Variants in PTPRM observed in about 807,000 individuals in gnomAD.
PTPRM encodes the protein protein tyrosine phosphatase receptor type M.
A neutral mutation model predicts 186.7 loss-of-function variants in PTPRM; 47 were observed. The ratio of observed to expected loss-of-function variants is 0.25; its 90% confidence interval spans 0.20 to 0.32. The LOEUF (loss-of-function observed/expected upper bound fraction) is 0.32. PTPRM is among the 10% of genes least tolerant of loss of function. The pLI, the probability that PTPRM is intolerant of heterozygous loss-of-function variation, is 1.00. For missense variants in PTPRM, 1,494 were observed against 1,865.0 expected, an observed-to-expected ratio of 0.80 and a Z score of 3.66; for synonymous variants, 668 against 674.9, an observed-to-expected ratio of 0.99 and a Z score of 0.16.
At chr18:7,920,421 A>T (rs1459194433) in intron 4 of PTPRM, among the ~76,000 whole-genome samples, 1 of 152,186 alleles carries the variant, frequency 6.6e-6, no homozygotes, top group African/African-American at 2.4e-5. Context: ...TATCTTAAAG[A>T]GATGACAACT....
chr18:8,219,359 C>T lies in PTPRM; in HGVS notation c.2301-24699C>T, dbSNP rs142261364. On this transcript the variant is annotated intron_variant, in intron 14 of 32. Coordinates refer to ENST00000580170, the MANE Select transcript of PTPRM (RefSeq NM_001105244.2). ...GAGGACGCCTGTAGTCCCAGCTACT[C>T]GGGAGGCTGAGGCAGGAGAATGGCG... Among the ~76,000 whole-genome samples, 842 of 151,744 alleles carry T rather than the reference C, an allele frequency of 5.5e-3. 8 individuals are homozygous for T. The highest frequency in any genetic ancestry group is 0.019 in the African/African-American group (791 of 41,332).
At chr18:7,992,233 G>A (rs1280745071) in intron 7 of PTPRM, among the ~76,000 whole-genome samples, 1 of 151,986 alleles carries the variant, frequency 6.6e-6, no homozygotes, top group South Asian at 2.1e-4. Flanking sequence ...AAGATATTTT[G>A]ACTACAAAAG....
intron 1 of PTPRM, among the ~76,000 whole-genome samples, chr18:7,619,053 T>G (rs1468118891): frequency 6.6e-6 from 1 of 152,234 alleles, no homozygotes; most frequent in Non-Finnish European, 1.5e-5. Context: ...TCTTTACTGC[T>G]AATGGAACTG....
chr18:7,831,871 A>G (rs2045779243), intron 2 of PTPRM, among the ~76,000 whole-genome samples: 1 of 152,172 alleles, frequency 6.6e-6, no homozygotes, highest in Admixed American at 6.5e-5. Flanking sequence ...AAGTGAGAAC[A>G]TGTAAGGTTT....
chr18:7,829,955 T>C (rs1194598264), intron 2 of PTPRM, among the ~76,000 whole-genome samples: 13 of 152,204 alleles, frequency 8.5e-5, no homozygotes, highest in Admixed American at 8.5e-4. Context: ...GTAATTACAT[T>C]ATTTAACAAA....
chr18:7,890,973 ATACT>A (rs2049043430), intron 3 of PTPRM, among the ~76,000 whole-genome samples: 1 of 152,154 alleles, frequency 6.6e-6, no homozygotes, highest in African/African-American at 2.4e-5. Flanking sequence ...CCTGAAATAA[ATACT>A]TAAGAAAGTG....
intron 7 of PTPRM, among the ~76,000 whole-genome samples, chr18:7,977,244 C>T (rs193189478): frequency 6.6e-6 from 1 of 152,092 alleles, no homozygotes; most frequent in African/African-American, 2.4e-5. Context: ...CACCTGCCAC[C>T]ACGCCCAGCT....
Position 7,728,230 on chromosome 18 carries a change from A to G in PTPRM, c.74-45919A>G, listed in dbSNP as rs141832379. ...TTTTGTATAATGATTTAAAATCCAA[A>G]ATAGCAGTGATGCAGGATTTTGACT... On this transcript the variant is annotated intron_variant, in intron 1 of 32. Transcript: ENST00000580170. Among the ~76,000 whole-genome samples, 32 of 152,338 alleles carry G rather than the reference A, an allele frequency of 2.1e-4. No homozygotes were observed. The East Asian group carries it at 6.2e-3, about 29-fold the overall frequency.
intron 2 of PTPRM, among the ~76,000 whole-genome samples, chr18:7,860,425 A>G (rs867165854): frequency 1.3e-5 from 2 of 152,090 alleles, no homozygotes; most frequent in African/African-American, 4.8e-5. Context: ...ATGGATTCAG[A>G]TAAACAGATG....
chr18:7,948,872 A>C (rs1273737098), intron 5 of PTPRM, among the ~76,000 whole-genome samples: 1 of 152,210 alleles, frequency 6.6e-6, no homozygotes, highest in Admixed American at 6.5e-5. Flanking sequence ...GGATAGTTTG[A>C]AAACAAGGTA....
rs548635004 is a variant in PTPRM, at chr18:8,182,394, C to T, written c.2300+38615C>T. 1.2e-4 allele frequency among the ~76,000 whole-genome samples: 18 copies of T among 152,276 alleles called. No individual in the cohort carries two copies. The South Asian group carries it at 3.5e-3, about 30-fold the overall frequency. On this transcript the variant is annotated intron_variant, in intron 14 of 32. Coordinates refer to ENST00000580170, the MANE Select transcript of PTPRM (RefSeq NM_001105244.2). Reference sequence around the variant, plus strand: ...CCCTCCTCAAGACTCTCGTATATCTCATGTATTTTGAAATAATGGAGACAT... The same window carrying T: ...CCCTCCTCAAGACTCTCGTATATCTTATGTATTTTGAAATAATGGAGACAT...
intron 14 of PTPRM, among the ~76,000 whole-genome samples, chr18:8,194,903 C>A (rs77295724): frequency 0.043 from 6,590 of 152,144 alleles, 466 homozygotes; most frequent in African/African-American, 0.15. Context: ...CTCTTTTATT[C>A]TTGTAAGGAT....
At chr18:7,672,296 TAA>T (rs2039234662) in intron 1 of PTPRM, among the ~76,000 whole-genome samples, 1 of 152,214 alleles carries the variant, frequency 6.6e-6, no homozygotes, top group South Asian at 2.1e-4. Flanking sequence ...AATTTCAGGT[TAA>T]GTTTTTTTTT....
At position 8,172,215 on chromosome 18, in the gene PTPRM, G is replaced by A. The variant is rs564683840; in HGVS notation, c.2300+28436G>A. Among the ~76,000 whole-genome samples the A allele has an allele frequency of 2.0e-5, 3 of 151,840 alleles. No homozygotes were observed. In the South Asian group the frequency reaches 6.2e-4, roughly 32 times the overall value. On this transcript the variant is annotated intron_variant, in intron 14 of 32. Coordinates refer to ENST00000580170, the MANE Select transcript of PTPRM (RefSeq NM_001105244.2). ...ATTATGGCGGAAGGTGAGAAAGGTG[G>A]CAAAGATACAGATAAAGCACTGTTC...
chr18:8,384,540 G>A, intron 29 of PTPRM, 21 bp from the exon 30 acceptor site: 1 of 1,613,746 alleles, frequency 6.2e-7, no homozygotes, highest in Non-Finnish European at 8.5e-7. Context: ...CTAACCTTGT[G>A]TTTATATGTT....
intron 22 of PTPRM, among the ~76,000 whole-genome samples, chr18:8,324,470 C>A (rs1231002046): frequency 1.3e-5 from 2 of 152,194 alleles, no homozygotes; most frequent in African/African-American, 4.8e-5. Flanking sequence ...TAGCAGGTCC[C>A]ATAGCTGATG....
intron 1 of PTPRM, among the ~76,000 whole-genome samples, chr18:7,773,194 C>A (rs1211579686): frequency 6.6e-6 from 1 of 151,858 alleles, no homozygotes; most frequent in East Asian, 1.9e-4. Context: ...TTTATTTTTC[C>A]CTTTAAAACT....
chr18:8,053,309 C>A (rs1049629903), intron 7 of PTPRM, among the ~76,000 whole-genome samples: 4 of 152,074 alleles, frequency 2.6e-5, no homozygotes. Flanking sequence ...AGAACTATTT[C>A]TTTGCCCTGT....
At chr18:7,619,090 C>T (rs1426985241) in intron 1 of PTPRM, among the ~76,000 whole-genome samples, 1 of 152,112 alleles carries the variant, frequency 6.6e-6, no homozygotes, top group African/African-American at 2.4e-5. Flanking sequence ...CAATGGGGTG[C>T]TTTATAGCCT....
Sources: allele counts gnomAD v4.1 joint callset (sites outside exome capture counted in the v4.1 genomes callset), GRCh38; gene constraint gnomAD v4.1.1; transcripts MANE v1.5; gene names NCBI Gene and HGNC (gene_info 2026-07-23, HGNC 2026-07-21).